Variants in KLF6 observed in about 807,000 individuals in gnomAD.
KLF6 encodes Krueppel-like factor 6.
For synonymous variants in KLF6, 152 were observed against 147.9 expected (o/e 1.03, Z -0.20); for missense variants, 233 against 359.8 (o/e 0.65, Z 2.85).
chr10:3,783,916 A>AG (rs1832588130), intron 1 of KLF6, among the ~76,000 whole-genome samples: 1 of 152,116 alleles, frequency 6.6e-6, no homozygotes, highest in Non-Finnish European at 1.5e-5. Flanking sequence ...TTCTTTGAGG[A>AG]GGAAAAAAAC....
chr10:3,777,244 C>T lies in KLF6; in HGVS notation c.*2295G>A. 3 of 516,436 alleles carry T rather than the reference C, an allele frequency of 5.8e-6. No homozygotes were observed. Among genetic ancestry groups the T allele is most frequent in the South Asian group, 4.7e-5 (3 of 64,254 alleles). 32.0% of individuals were successfully genotyped at this position (516,436 alleles called of 1,614,324 possible). A position where few individuals can be genotyped will look rare whatever the true frequency, so the allele number is the denominator to read the frequency against. ...TATATATATATAAAGCAAAGAGCCA[C>T]ACCCACAAGCCAGCAGCTGGGTGAA... On this transcript the variant is annotated 3_prime_UTR_variant, in exon 4 of 4. Transcript: ENST00000497571.
At position 3,777,009 on chromosome 10, in the gene KLF6, G is replaced by A. The variant is rs1291307901; in HGVS notation, c.*2530C>T. The A allele has an allele frequency of 1.9e-6, 1 of 513,764 alleles. No individual in the cohort carries two copies. Among genetic ancestry groups the A allele is most frequent in the Non-Finnish European group, 3.8e-6 (1 of 264,774 alleles). 31.8% of individuals were successfully genotyped at this position (513,764 alleles called of 1,614,324 possible). A position where few individuals can be genotyped will look rare whatever the true frequency, so the allele number is the denominator to read the frequency against. ...GCTAAGCACATAGAAGGCCAAAAAA[G>A]GAGTTTTCCAAACCCAGCAAATCAA... On this transcript the variant is annotated 3_prime_UTR_variant, in exon 4 of 4. Coordinates refer to ENST00000497571, the MANE Select transcript of KLF6 (RefSeq NM_001300.6).
Position 3,781,906 on chromosome 10 carries a change from C to T in KLF6, c.411G>A (p.Ser137=), listed in dbSNP as rs1299414498. 9 of 1,614,186 alleles carry T rather than the reference C, an allele frequency of 5.6e-6. No individual in the cohort carries two copies. Among genetic ancestry groups the T allele is most frequent in the African/African-American group, 4.0e-5 (3 of 75,044 alleles). ...SDPIGEVLVS[S]GKLSSSVTST... Reference sequence around the variant, plus strand: ...AGGTGACAGAGGAGCTCAATTTTCCCGAGCTGACCAAAACTTCGCCAATGG... The same window carrying T: ...AGGTGACAGAGGAGCTCAATTTTCCTGAGCTGACCAAAACTTCGCCAATGG... The change falls in exon 2 of 4, where the codon TCG becomes TCA. Residue 137 remains serine (S), a synonymous_variant. Transcript: ENST00000497571. This position sits in a 1 kb window ranked among gnomAD's most constrained non-coding sequence, Gnocchi z 5.8.
Position 3,780,085 on chromosome 10 carries a change from G to A in KLF6, c.800+21C>T, listed in dbSNP as rs111743412. The A allele has an allele frequency of 2.8e-3, 4,475 of 1,613,982 alleles. 118 individuals carry two copies. The African/African-American group carries it at 0.05, about 18-fold the overall frequency. On this transcript the variant is annotated intron_variant, in intron 3 of 3. Transcript: ENST00000497571. The surrounding 1 kb of genome is among the most constrained non-coding windows in gnomAD (Gnocchi z 4.6). ...CCCAAGGCCCCACGCTCCTTGCCCA[G>A]CATTGTCCTCAGGCACGTACCTGTC...
rs1443334412 is a variant in KLF6, at chr10:3,781,553, G to C, written c.676+88C>G. 2 of 1,573,562 alleles carry C rather than the reference G, an allele frequency of 1.3e-6. No homozygotes were observed. The highest frequency in any genetic ancestry group is 1.9e-5 in the Admixed American group (1 of 52,890). ...GATTTGTCTGCCCTGACCACATCCT[G>C]TGCAGCCAGGCCCGGCTCCCTCCAG... On this transcript the variant is annotated intron_variant, in intron 2 of 3. Coordinates refer to ENST00000497571, the MANE Select transcript of KLF6 (RefSeq NM_001300.6). This position sits in a 1 kb window ranked among gnomAD's most constrained non-coding sequence, Gnocchi z 5.8.
Position 3,785,078 on chromosome 10 carries a change from G to T in KLF6, c.-64C>A. ...GGCGAGGCGCGCGGTGGGAGCCGGA[G>T]CCGAAAGTCTCCCCGGAGCGCAGGT... is the stretch of plus-strand genomic sequence containing the variant. On this transcript the variant is annotated 5_prime_UTR_variant, in exon 1 of 4. Coordinates refer to ENST00000497571, the MANE Select transcript of KLF6 (RefSeq NM_001300.6). 6.2e-7 allele frequency: 1 copy of T among 1,606,136 alleles called. No homozygotes were observed.
chr10:3,776,473 G>A lies in KLF6; in HGVS notation c.*3066C>T. The A allele has an allele frequency of 1.9e-6, 1 of 531,498 alleles. No individual in the cohort carries two copies. Among genetic ancestry groups the A allele is most frequent in the East Asian group, 3.9e-5 (1 of 25,408 alleles). 32.9% of individuals were successfully genotyped at this position (531,498 alleles called of 1,614,324 possible). ...GTTGCTCAATGAAGATTTGCCCCCA[G>A]GAGGAAGCCAGGGTGATGAATGCAG... On this transcript the variant is annotated 3_prime_UTR_variant, in exon 4 of 4. Transcript: ENST00000497571.
At position 3,781,315 on chromosome 10, in the gene KLF6, C is replaced by A; in HGVS notation, c.676+326G>T. ...CGCTCGAGGTAGCCTCGTGCGAGTG[C>A]ACTGGTGAAGGGGCAGTGGCCTCGG... On this transcript the variant is annotated intron_variant, in intron 2 of 3. Transcript: ENST00000497571. This position sits in a 1 kb window ranked among gnomAD's most constrained non-coding sequence, Gnocchi z 5.8. The A allele has an allele frequency of 9.6e-7, 1 of 1,044,634 alleles. No individual in the cohort carries two copies. Among genetic ancestry groups the A allele is most frequent in the Non-Finnish European group, 1.3e-6 (1 of 745,526 alleles). 64.7% of individuals were successfully genotyped at this position (1,044,634 alleles called of 1,614,324 possible). A position where few individuals can be genotyped will look rare whatever the true frequency, so the allele number is the denominator to read the frequency against.
Position 3,782,933 on chromosome 10 carries a change from A to G in KLF6, c.103-719T>C, listed in dbSNP as rs909661431. Among the ~76,000 whole-genome samples, 1 of 152,200 alleles carries G rather than the reference A, an allele frequency of 6.6e-6. No homozygotes were observed. The highest frequency in any genetic ancestry group is 1.5e-5 in the Non-Finnish European group (1 of 68,038). ...TACAGTGGTCAGAGAAAAACAAGGA[A>G]CTTCAACAACAGGAGTGCAGAAATA... is the stretch of plus-strand genomic sequence containing the variant. On this transcript the variant is annotated intron_variant, in intron 1 of 3. Transcript: ENST00000497571. This position sits in a 1 kb window ranked among gnomAD's most constrained non-coding sequence, Gnocchi z 4.3.
Position 3,781,449 on chromosome 10 carries a change from C to G in KLF6, c.676+192G>C. ...AAAATTGTTACACATTTATCCAACT[C>G]AAAAGTCCAGTCTTTAGGATTCTAC... On this transcript the variant is annotated intron_variant, in intron 2 of 3. Transcript: ENST00000497571. This position sits in a 1 kb window ranked among gnomAD's most constrained non-coding sequence, Gnocchi z 5.8. The G allele has an allele frequency of 6.5e-7, 1 of 1,530,954 alleles. No homozygotes were observed. 94.8% of individuals were successfully genotyped at this position (1,530,954 alleles called of 1,614,324 possible).
At position 3,782,582 on chromosome 10, in the gene KLF6, A is replaced by T. The variant is rs1832556271; in HGVS notation, c.103-368T>A. Among the ~76,000 whole-genome samples the T allele has an allele frequency of 6.6e-6, 1 of 152,234 alleles. No individual in the cohort carries two copies. Among genetic ancestry groups the T allele is most frequent in the Non-Finnish European group, 1.5e-5 (1 of 68,050 alleles). On this transcript the variant is annotated intron_variant, in intron 1 of 3. Coordinates refer to ENST00000497571, the MANE Select transcript of KLF6 (RefSeq NM_001300.6). The surrounding 1 kb of genome is among the most constrained non-coding windows in gnomAD (Gnocchi z 4.3). ...CCCCATACACATACTCCTCCCCAAC[A>T]GGTTCAACCAGATTATCTGACATTG...
In KLF6 at chr10:3,781,235, C is replaced by T; in HGVS notation, c.676+406G>A. The stretch of plus-strand genomic sequence containing the variant: ...CAGCATCAAACCCACACACTCCACG[C>T]TGCCCAGCAACCCTCTGTCCTGACC... On this transcript the variant is annotated intron_variant, in intron 2 of 3. Transcript: ENST00000497571. This position sits in a 1 kb window ranked among gnomAD's most constrained non-coding sequence, Gnocchi z 5.8. 2.0e-6 allele frequency: 1 copy of T among 512,402 alleles called. No individual in the cohort carries two copies. The highest frequency in any genetic ancestry group is 3.3e-6 in the Non-Finnish European group (1 of 299,828). The allele number at this position is 512,402 out of a possible 1,614,324, so 31.7% of individuals were successfully genotyped here. A position where few individuals can be genotyped will look rare whatever the true frequency, so the allele number is the denominator to read the frequency against.
At position 3,776,098 on chromosome 10, in the gene KLF6, C is replaced by T; in HGVS notation, c.*3441G>A. Reference sequence around the variant, plus strand: ...TGGAGTCCCTCTGCCTCCTCCACCCCTCCCAGACATGCCTCAGCCAGGTGT... The same window carrying T: ...TGGAGTCCCTCTGCCTCCTCCACCCTTCCCAGACATGCCTCAGCCAGGTGT... On this transcript the variant is annotated 3_prime_UTR_variant, in exon 4 of 4. Coordinates refer to ENST00000497571, the MANE Select transcript of KLF6 (RefSeq NM_001300.6). 1 of 529,898 alleles carries T rather than the reference C, an allele frequency of 1.9e-6. No homozygotes were observed. Among genetic ancestry groups the T allele is most frequent in the Non-Finnish European group, 3.7e-6 (1 of 273,390 alleles). The allele number at this position is 529,898 out of a possible 1,614,324, so 32.8% of individuals were successfully genotyped here.
rs1158379964 is a variant in KLF6, at chr10:3,779,191, AG to A, written c.*347del. The A allele has an allele frequency of 7.2e-6, 4 of 556,598 alleles. No individual in the cohort carries two copies. In the African/African-American group the frequency reaches 7.3e-5, roughly 10 times the overall value. 34.5% of individuals were successfully genotyped at this position (556,598 alleles called of 1,614,324 possible). A position where few individuals can be genotyped will look rare whatever the true frequency, so the allele number is the denominator to read the frequency against. Reference sequence around the variant, plus strand: ...ATCTCTTGCAGTCTTGCTAACCACAAGGAAAAAAAGTTGGCCTCATCATACG... The same window carrying A: ...ATCTCTTGCAGTCTTGCTAACCACAAGAAAAAAAGTTGGCCTCATCATACG... On this transcript the variant is annotated 3_prime_UTR_variant, in exon 4 of 4. Transcript: ENST00000497571.
At position 3,781,721 on chromosome 10, in the gene KLF6, A is replaced by G; in HGVS notation, c.596T>C (p.Val199Ala). 1 of 1,614,014 alleles carries G rather than the reference A, an allele frequency of 6.2e-7. No homozygotes were observed. Among genetic ancestry groups the G allele is most frequent in the Non-Finnish European group, 8.5e-7 (1 of 1,180,014 alleles). The change falls in exon 2 of 4, where the codon GTG becomes GCG. Residue 199 changes from valine (V) to alanine (A), a missense_variant. Val to Ala is a moderately conservative substitution (Grantham distance 64). Transcript: ENST00000497571. The surrounding 1 kb of genome is among the most constrained non-coding windows in gnomAD (Gnocchi z 5.8). The stretch of plus-strand genomic sequence containing the variant: ...GCAGCCGTTAAAGTGGCACCGGTGC[A>G]CCCTCCTCCTGCCGTCGGGGGAGGC... ...GDASPDGRRR[V>A]HRCHFNGCRK...
Position 3,777,998 on chromosome 10 carries a change from A to G in KLF6, c.*1541T>C, listed in dbSNP as rs1477225149. 2.0e-5 allele frequency: 10 copies of G among 505,222 alleles called. No individual in the cohort carries two copies. Among genetic ancestry groups the G allele is most frequent in the South Asian group, 1.5e-4 (10 of 64,918 alleles). 31.3% of individuals were successfully genotyped at this position (505,222 alleles called of 1,614,324 possible). Reference sequence around the variant, plus strand: ...ATACAGCCGGTGTGTGATCTATACAATTGTTGTGCAAGGTCTATATGAAAG... The same window carrying G: ...ATACAGCCGGTGTGTGATCTATACAGTTGTTGTGCAAGGTCTATATGAAAG... On this transcript the variant is annotated 3_prime_UTR_variant, in exon 4 of 4. Transcript: ENST00000497571.
Position 3,781,635 on chromosome 10 carries a change from A to G in KLF6, c.676+6T>C. The stretch of plus-strand genomic sequence containing the variant: ...GCCGCCCTCCGGGGCCCGCGTGGGC[A>G]CTGACCTGTGTGCGTCCGCTGGTGT... On this transcript the variant is annotated splice_donor_region_variant and intron_variant, in intron 2 of 3. Coordinates refer to ENST00000497571, the MANE Select transcript of KLF6 (RefSeq NM_001300.6). This position sits in a 1 kb window ranked among gnomAD's most constrained non-coding sequence, Gnocchi z 5.8. 6.2e-7 allele frequency: 1 copy of G among 1,612,800 alleles called. No homozygotes were observed.
In KLF6 at chr10:3,781,371, G is replaced by A; in HGVS notation, c.676+270C>T. 1.4e-6 allele frequency: 2 copies of A among 1,436,096 alleles called. No homozygotes were observed. The highest frequency in any genetic ancestry group is 1.8e-6 in the Non-Finnish European group (2 of 1,087,968). 89.0% of individuals were successfully genotyped at this position (1,436,096 alleles called of 1,614,324 possible). A position where few individuals can be genotyped will look rare whatever the true frequency, so the allele number is the denominator to read the frequency against. On this transcript the variant is annotated intron_variant, in intron 2 of 3. Coordinates refer to ENST00000497571, the MANE Select transcript of KLF6 (RefSeq NM_001300.6). This position sits in a 1 kb window ranked among gnomAD's most constrained non-coding sequence, Gnocchi z 5.8. The stretch of plus-strand genomic sequence containing the variant: ...CAGCACTACTAAGGGGTGGGGGGTG[G>A]AGGTTTGGGTGTCCGTGGAGAAAAG...
At chr10:3,783,033 A>G (rs576413905) in intron 1 of KLF6, among the ~76,000 whole-genome samples, 11 of 152,342 alleles carry the variant, frequency 7.2e-5, no homozygotes, top group African/African-American at 2.6e-4. Flanking sequence ...GAGTCCCACA[A>G]TGAACAAGAA....
Sources: allele counts gnomAD v4.1 joint callset (sites outside exome capture counted in the v4.1 genomes callset), GRCh38; gene constraint gnomAD v4.1.1; non-coding constraint Gnocchi (gnomAD v3.1); transcripts MANE v1.5; gene names NCBI Gene and HGNC (gene_info 2026-07-23, HGNC 2026-07-21).